The following LARP4B variants were observed in gnomAD, a reference collection of about 807,000 sequenced individuals.
LARP4B encodes the protein la-related protein 4B.
In LARP4B, 12 loss-of-function variants were observed where a neutral mutation model predicts 89.8. The ratio of observed to expected loss-of-function variants is 0.13; its 90% confidence interval spans 0.09 to 0.22. The LOEUF (loss-of-function observed/expected upper bound fraction) is 0.22, where lower values mean the gene tolerates loss of function less well. Ranked by LOEUF, LARP4B falls within the 10% of genes least tolerant of loss-of-function variation. The probability of loss-of-function intolerance (pLI) is 1.00; values close to 1 mark genes in which losing one functional copy is unlikely to be tolerated. For synonymous variants in LARP4B, 367 were observed against 363.3 expected (o/e 1.01, Z -0.12); for missense variants, 757 against 947.7 (o/e 0.80, Z 2.64).
At chr10:829,632 A>C (rs1485941172) in intron 10 of LARP4B, 38 bp from the exon 11 acceptor site, 1 of 1,609,900 alleles carries the variant, frequency 6.2e-7, no homozygotes, top group Admixed American at 1.7e-5. Context: ...AGAATACTTA[A>C]GAACATCAAT....
intron 15 of LARP4B, 26 bp downstream of exon 15, chr10:817,699 T>C: frequency 6.2e-7 from 1 of 1,604,630 alleles, no homozygotes; most frequent in Non-Finnish European, 8.5e-7. Context: ...TGTTGGCAAC[T>C]ATTAGACATG....
At chr10:824,548 A>T (rs181899273) in intron 13 of LARP4B, among the ~76,000 whole-genome samples, 1 of 152,306 alleles carries the variant, frequency 6.6e-6, no homozygotes, top group Non-Finnish European at 1.5e-5. Flanking sequence ...GATTGATGCC[A>T]AAAAAATGTT....
the LARP4B span, among the ~76,000 whole-genome samples, chr10:945,239 C>T: frequency 6.6e-6 from 1 of 151,268 alleles, no homozygotes; most frequent in African/African-American, 2.4e-5. Context: ...CAAAAATTAG[C>T]TGGGCATTAT....
intron 11 of LARP4B, among the ~76,000 whole-genome samples, chr10:826,098 A>G (rs1832607485): frequency 6.6e-6 from 1 of 152,240 alleles, no homozygotes; most frequent in African/African-American, 2.4e-5. Context: ...AGCGAGGAGA[A>G]CTGACACATG....
chr10:887,190 T>A (rs1232830042), intron 1 of LARP4B, among the ~76,000 whole-genome samples: 1 of 151,942 alleles, frequency 6.6e-6, no homozygotes, highest in African/African-American at 2.4e-5. Flanking sequence ...TACAGATATT[T>A]TGGATGAGTA....
chr10:887,175 C>A (rs556552230), intron 1 of LARP4B, among the ~76,000 whole-genome samples: 1 of 152,036 alleles, frequency 6.6e-6, no homozygotes, highest in South Asian at 2.1e-4. Context: ...CAAAGGGTAC[C>A]AAGTTACAGA....
Position 829,390 on chromosome 10 carries a change from G to T in LARP4B, c.1120C>A (p.Pro374Thr). The T allele has an allele frequency of 6.3e-7, 1 of 1,593,018 alleles. No individual in the cohort carries two copies. Among genetic ancestry groups the T allele is most frequent in the Non-Finnish European group, 8.6e-7 (1 of 1,168,038 alleles). The change falls in exon 11 of 18, where the codon CCC becomes ACC. Residue 374 changes from proline (P) to threonine (T), a missense_variant. Pro to Thr is a conservative substitution (Grantham distance 38). Around this residue, in one of 5 missense-constraint regions of LARP4B, gnomAD observed 137 missense variants for 213.9 expected, o/e 0.64. Transcript: ENST00000316157. ...WSATHSYLDP[P>T]LVTPFPNTGF... ...CTAGTAAAGAAATGACGTACCAAGG[G>T]TGGGTCAAGATAGCTGTGCGTTGCT...
chr10:949,590 G>A, the LARP4B span, among the ~76,000 whole-genome samples: 5 of 151,790 alleles, frequency 3.3e-5, no homozygotes, highest in African/African-American at 7.3e-5. Context: ...TGCTCTCCCC[G>A]TCCTCACCCA....
In LARP4B at chr10:864,310, C is replaced by T. The variant is rs578136143; in HGVS notation, c.142-40G>A. 3.6e-5 allele frequency: 58 copies of T among 1,605,836 alleles called. No individual in the cohort carries two copies. The African/African-American group carries it at 5.8e-4, about 16-fold the overall frequency. On this transcript the variant is annotated intron_variant, in intron 3 of 17. Coordinates refer to ENST00000316157, the MANE Select transcript of LARP4B (RefSeq NM_015155.3). ...AAGATAGACATTTGTATCCAAATGT[C>T]AACCAAATACAATTTTACTCATTAA...
intron 15 of LARP4B, chr10:815,795 T>C (rs1832016979): frequency 2.0e-5 from 3 of 152,190 alleles, no homozygotes; most frequent in Non-Finnish European, 4.4e-5. Context: ...CTTCTGCCCT[T>C]AGATGAAGGC....
chr10:810,561 C>T lies in LARP4B; in HGVS notation c.*2365G>A, dbSNP rs986728550. 1 of 152,136 alleles carries T rather than the reference C, an allele frequency of 6.6e-6. No individual in the cohort carries two copies. Among genetic ancestry groups the T allele is most frequent in the African/African-American group, 2.4e-5 (1 of 41,416 alleles). 9.4% of individuals were successfully genotyped at this position (152,136 alleles called of 1,614,324 possible). On this transcript the variant is annotated 3_prime_UTR_variant, in exon 18 of 18. Coordinates refer to ENST00000316157, the MANE Select transcript of LARP4B (RefSeq NM_015155.3). The stretch of plus-strand genomic sequence containing the variant: ...TGAAGGACTAAGCTGGCTCTAACCA[C>T]ACACACACACTGCGCTGCAATGCTC...
Position 879,919 on chromosome 10 carries a change from G to A in LARP4B, c.141+4528C>T, listed in dbSNP as rs538651152. On this transcript the variant is annotated intron_variant, in intron 3 of 17. Transcript: ENST00000316157. ...CTCCTGAGTAGCTGGGATTACAGGC[G>A]TGCACCACCACACCCAGCTAATTTT... Among the ~76,000 whole-genome samples the A allele has an allele frequency of 2.6e-4, 39 of 152,052 alleles. No individual in the cohort carries two copies. The East Asian group carries it at 6.6e-3, about 26-fold the overall frequency.
chr10:814,995 C>G lies in LARP4B; in HGVS notation c.1771G>C (p.Ala591Pro). 6.2e-7 allele frequency: 1 copy of G among 1,609,444 alleles called. No homozygotes were observed. Among genetic ancestry groups the G allele is most frequent in the South Asian group, 1.1e-5 (1 of 90,554 alleles). ...SREPSVPASCAVSATYERSPS... is the reference protein window; with the variant it reads ...SREPSVPASCPVSATYERSPS... ...GATCGCTCGTACGTTGCTGATACAGCACAAGAAGCCGGCACCGAGGGCTCT... is the reference window on the plus strand; with the variant it reads ...GATCGCTCGTACGTTGCTGATACAGGACAAGAAGCCGGCACCGAGGGCTCT... The change falls in exon 16 of 18, where the codon GCT (alanine) becomes CCT (proline). Residue 591 changes from alanine to proline, a missense_variant. Ala to Pro is a conservative substitution (Grantham distance 27, BLOSUM62 -1). Transcript: ENST00000316157. The surrounding 1 kb of genome is among the most constrained non-coding windows in gnomAD (Gnocchi z 4.4).
the LARP4B span, among the ~76,000 whole-genome samples, chr10:939,485 G>T: frequency 6.6e-6 from 1 of 152,234 alleles, no homozygotes. Context: ...GAAGTTGGAT[G>T]TGTGTTTCCT....
rs143670173 is a variant in LARP4B at position 860,183 on chromosome 10, A to G, written c.430+3560T>C. Among the ~76,000 whole-genome samples the G allele has an allele frequency of 5.7e-3, 865 of 152,186 alleles. 2 individuals carry two copies. The highest frequency in any genetic ancestry group is 8.0e-3 in the African/African-American group (333 of 41,522). On this transcript the variant is annotated intron_variant, in intron 5 of 17. Transcript: ENST00000316157. The stretch of plus-strand genomic sequence containing the variant: ...ATACCTTCCACTAAAACTCGCTGTG[A>G]ACCTGAAAGTGCTCTAAAAAAAACA...
intron 1 of LARP4B, among the ~76,000 whole-genome samples, chr10:909,554 G>A (rs1365750909): frequency 1.3e-5 from 2 of 152,066 alleles, no homozygotes; most frequent in East Asian, 1.9e-4. Context: ...GGGGGCCAAG[G>A]CAGGTGGATC....
chr10:883,114 GCAAA>G (rs747133555), intron 3 of LARP4B, among the ~76,000 whole-genome samples: 40 of 152,332 alleles, frequency 2.6e-4, no homozygotes, highest in Non-Finnish European at 4.3e-4. Flanking sequence ...ACTTGTTGAA[GCAAA>G]CAAACTCCCT....
intron 3 of LARP4B, among the ~76,000 whole-genome samples, chr10:866,676 C>T (rs192516700): frequency 5.6e-4 from 85 of 152,368 alleles, no homozygotes; most frequent in Non-Finnish European, 1.0e-3. Context: ...TTTCCAGCCT[C>T]GGTTCCATTC....
rs199875617 is a variant in LARP4B at position 814,775 on chromosome 10, C to T, written c.1896G>A (p.Ala632=). The T allele has an allele frequency of 3.4e-5, 54 of 1,603,092 alleles. No individual in the cohort carries two copies. The highest frequency in any genetic ancestry group is 1.4e-4 in the Admixed American group (8 of 58,898). ...DRLPSALTAT[A]CKSVQVNGAA... The stretch of plus-strand genomic sequence containing the variant: ...CTCCGTTCACCTGCACCGATTTACA[C>T]GCGGTCGCAGTGAGGGCGGAAGGAA... Residue 632 remains alanine (A), a synonymous_variant, in exon 17 of 18, where the codon GCG becomes GCA. Transcript: ENST00000316157. The surrounding 1 kb of genome is among the most constrained non-coding windows in gnomAD (Gnocchi z 4.4).
Sources: allele counts gnomAD v4.1 joint callset (sites outside exome capture counted in the v4.1 genomes callset), GRCh38; gene constraint gnomAD v4.1.1; regional missense constraint gnomAD v4.1.1; non-coding constraint Gnocchi (gnomAD v3.1); transcripts MANE v1.5; gene names NCBI Gene and HGNC (gene_info 2026-07-23, HGNC 2026-07-21).